EXD1: variants seen among roughly 807,000 people sequenced by gnomAD.
EXD1 encodes exonuclease 3'-5' domain containing 1, also known as piRNA biogenesis protein EXD1.
In EXD1, 63 loss-of-function variants were observed where a neutral mutation model predicts 49.1. That is an observed-to-expected ratio of 1.28 (90% CI 1.05 to 1.58). The LOEUF (loss-of-function observed/expected upper bound fraction) is 1.58, where lower values mean the gene tolerates loss of function less well. Among genes scored for constraint, EXD1 ranks in the 40% most tolerant of loss-of-function variants. EXD1 has a pLI of 0.00. For missense variants in EXD1, 748 were observed against 666.0 expected (o/e 1.12, Z -1.36); for synonymous variants, 234 against 239.2 (o/e 0.98, Z 0.20).
chr15:41,191,596 T>C lies in EXD1; in HGVS notation c.721-11A>G, dbSNP rs2046519056. The C allele has an allele frequency of 2.5e-6, 4 of 1,613,060 alleles. No homozygotes were observed. The highest frequency in any genetic ancestry group is 3.4e-6 in the Non-Finnish European group (4 of 1,179,538). On this transcript the variant is annotated splice_polypyrimidine_tract_variant and intron_variant, in intron 9 of 11. Coordinates refer to ENST00000458580, the MANE Select transcript of EXD1 (RefSeq NM_001286441.2). ...AAGTACATCTGCTACCTGTGGTATT[T>C]TAAAAAGACAAACAGACCAGTTGAA...
chr15:41,203,530 AT>A (rs1340602662), intron 7 of EXD1, among the ~76,000 whole-genome samples: 2 of 152,104 alleles, frequency 1.3e-5, no homozygotes, highest in Non-Finnish European at 2.9e-5. Context: ...TCTTGGTCCC[AT>A]TATTTCCTGA....
At chr15:41,192,433 A>G (rs1414161647) in intron 9 of EXD1, among the ~76,000 whole-genome samples, 3 of 151,660 alleles carry the variant, frequency 2.0e-5, no homozygotes, top group East Asian at 3.9e-4. Flanking sequence ...AGTAGCTGTG[A>G]TTACAGGTGT....
chr15:41,230,310 C>T (rs568493044), intron 1 of EXD1, among the ~76,000 whole-genome samples, 169 bp downstream of exon 1: 11 of 152,064 alleles, frequency 7.2e-5, no homozygotes, highest in African/African-American at 2.4e-4. Flanking sequence ...CTCGAACTCA[C>T]GACCTCAGGT....
chr15:41,212,729 A>G (rs1326102598), intron 6 of EXD1, among the ~76,000 whole-genome samples: 1 of 152,216 alleles, frequency 6.6e-6, no homozygotes, highest in Admixed American at 6.5e-5. Context: ...AAAATGTAGT[A>G]TATCCATACA....
intron 11 of EXD1, among the ~76,000 whole-genome samples, chr15:41,187,407 T>G (rs1436482002): frequency 6.6e-6 from 1 of 152,122 alleles, no homozygotes; most frequent in African/African-American, 2.4e-5. Flanking sequence ...ACGTTTCATA[T>G]AATCATCCAT....
chr15:41,204,369 G>C (rs2046789414), intron 7 of EXD1, among the ~76,000 whole-genome samples: 1 of 151,408 alleles, frequency 6.6e-6, no homozygotes, highest in Non-Finnish European at 1.5e-5. Context: ...TGGCCAACAT[G>C]GTGAAACCCT....
At chr15:41,211,461 A>C (rs1036558153) in intron 6 of EXD1, among the ~76,000 whole-genome samples, 5 of 152,042 alleles carry the variant, frequency 3.3e-5, no homozygotes, top group Non-Finnish European at 7.3e-5. Flanking sequence ...GACACTTTAA[A>C]GAATCTGTTG....
Position 41,213,211 on chromosome 15 carries a change from A to ATT in EXD1, c.447+2562_447+2563dup, listed in dbSNP as rs147963446. Among the ~76,000 whole-genome samples the ATT allele has an allele frequency of 7.7e-4, 117 of 150,978 alleles. 2 individuals carry two copies. Among genetic ancestry groups the ATT allele is most frequent in the African/African-American group, 2.6e-3 (106 of 41,100 alleles). On this transcript the variant is annotated intron_variant, in intron 6 of 11. Coordinates refer to ENST00000458580, the MANE Select transcript of EXD1 (RefSeq NM_001286441.2). ...TATTTATTTACTTGTTTTTATTTTT[A>ATT]TTTTTTTTGAGATAGAGTCTCACTC...
intron 1 of EXD1, 103 bp downstream of exon 1, chr15:41,230,376 C>G: frequency 7.8e-7 from 1 of 1,282,410 alleles, no homozygotes; most frequent in African/African-American, 1.5e-5. Flanking sequence ...AGCCACCGTG[C>G]CAGGCCTACC....
Position 41,215,963 on chromosome 15 carries a change from C to A in EXD1, c.389-130G>T, listed in dbSNP as rs879870610. ...AAATACCCTAAAATTGCAAAACCAC[C>A]CTCCCTACGTACTACTTCTCTTCCT... is the stretch of plus-strand genomic sequence containing the variant. On this transcript the variant is annotated intron_variant, in intron 5 of 11. Coordinates refer to ENST00000458580, the MANE Select transcript of EXD1 (RefSeq NM_001286441.2). 3.2e-4 allele frequency: 247 copies of A among 774,756 alleles called. 2 individuals are homozygous for A. In the Admixed American group the frequency reaches 4.8e-3, roughly 15 times the overall value. 48.0% of individuals were successfully genotyped at this position (774,756 alleles called of 1,614,324 possible).
intron 7 of EXD1, among the ~76,000 whole-genome samples, chr15:41,206,743 C>A (rs1287114005): frequency 6.8e-6 from 1 of 147,466 alleles, no homozygotes; most frequent in Admixed American, 6.9e-5. Flanking sequence ...TGCCTCAGCA[C>A]CATTAGTAGC....
At chr15:41,209,455 G>A in intron 7 of EXD1, 46 bp downstream of exon 7, 1 of 1,531,214 alleles carries the variant, frequency 6.5e-7, no homozygotes. Context: ...ATCTACCAGT[G>A]GCTCTATAAT....
intron 7 of EXD1, among the ~76,000 whole-genome samples, chr15:41,202,376 C>G (rs1595439755): frequency 1.3e-5 from 2 of 151,686 alleles, no homozygotes; most frequent in South Asian, 4.2e-4. Flanking sequence ...AGGGTTTTGC[C>G]ATGTTGCCCA....
At chr15:41,199,351 G>A (rs1319260183) in intron 7 of EXD1, among the ~76,000 whole-genome samples, 1 of 150,956 alleles carries the variant, frequency 6.6e-6, no homozygotes, top group Non-Finnish European at 1.5e-5. Flanking sequence ...GCCTCTCAAA[G>A]TGCTGGGATT....
intron 6 of EXD1, among the ~76,000 whole-genome samples, chr15:41,215,446 G>A (rs886479068): frequency 2.6e-5 from 4 of 152,076 alleles, no homozygotes; most frequent in Admixed American, 2.0e-4. Context: ...CAGCACTTTG[G>A]GAGGCCGAGG....
Position 41,184,350 on chromosome 15 carries a change from C to A in EXD1, c.1300G>T (p.Asp434Tyr). The A allele has an allele frequency of 1.2e-6, 2 of 1,614,140 alleles. No individual in the cohort carries two copies. Among genetic ancestry groups the A allele is most frequent in the Non-Finnish European group, 1.7e-6 (2 of 1,180,028 alleles). ...GATTCTTCTTTCAGTAAATTCACAT[C>A]CCCGTGAAAGTCTTGAGATGTAAAA... The part of the protein sequence containing the change: ...PSFTSQDFHG[D>Y]VNLLKEESLN... Residue 434 changes from aspartate (D) to tyrosine (Y), a missense_variant, in exon 12 of 12, where the codon GAT becomes TAT. Coordinates refer to ENST00000458580, the MANE Select transcript of EXD1 (RefSeq NM_001286441.2).
intron 10 of EXD1, among the ~76,000 whole-genome samples, chr15:41,191,001 C>T (rs2046505443): frequency 6.6e-6 from 1 of 152,104 alleles, no homozygotes; most frequent in Non-Finnish European, 1.5e-5. Flanking sequence ...GCAATGTCCA[C>T]CGCCCCTGCC....
chr15:41,190,396 C>G (rs1251261004), intron 10 of EXD1: 5 of 390,546 alleles, frequency 1.3e-5, no homozygotes, highest in Non-Finnish European at 1.5e-5. Context: ...TCGCTTAAAC[C>G]TGGGAGGCGG....
At chr15:41,191,614 C>T (rs368109202) in intron 9 of EXD1, 29 bp from the exon 10 acceptor site, 3 of 1,607,820 alleles carry the variant, frequency 1.9e-6, no homozygotes, top group South Asian at 2.2e-5. Flanking sequence ...ACAAACAGAC[C>T]AGTTGAATAT....
Sources: allele counts gnomAD v4.1 joint callset (sites outside exome capture counted in the v4.1 genomes callset), GRCh38; gene constraint gnomAD v4.1.1; transcripts MANE v1.5; gene names NCBI Gene and HGNC (gene_info 2026-07-23, HGNC 2026-07-21).